The following RGS8 variants were observed in gnomAD, a reference collection of about 807,000 sequenced individuals.
RGS8 encodes regulator of G-protein signaling 8.
RGS8 carries 8 observed loss-of-function variants against 21.7 expected under a neutral mutation model. The ratio of observed to expected loss-of-function variants is 0.37; its 90% CI spans 0.22 to 0.66. The LOEUF is 0.66. Among genes scored for constraint, RGS8 ranks in the 30% least tolerant of loss-of-function variants. The probability of loss-of-function intolerance (pLI) is 0.59; values close to 1 mark genes in which losing one functional copy is unlikely to be tolerated. For missense variants in RGS8, 157 were observed against 217.9 expected (o/e 0.72, Z 1.76); for synonymous variants, 80 against 83.6 (o/e 0.96, Z 0.24).
At chr1:182,675,127 A>T (rs1036928757), upstream of RGS8, among the ~76,000 whole-genome samples, 10 of 150,302 alleles carry the variant, frequency 6.7e-5, no homozygotes, top group African/African-American at 2.5e-4. Flanking sequence ...CTAAACAATC[A>T]CTCTCCCCCA....
At chr1:182,727,001 A>G in the RGS8 span, among the ~76,000 whole-genome samples, 1 of 152,298 alleles carries the variant, frequency 6.6e-6, no homozygotes, top group Admixed American at 6.5e-5. Flanking sequence ...ACAGTGAGAG[A>G]TGAATAACTT....
At chr1:182,731,938 T>G in the RGS8 span, among the ~76,000 whole-genome samples, 97,683 of 152,032 alleles carry the variant, frequency 0.64, 31,845 homozygotes, top group African/African-American at 0.76. Flanking sequence ...ACAGTATGAA[T>G]GATAGATCAC....
upstream of RGS8, among the ~76,000 whole-genome samples, chr1:182,685,007 A>T (rs914832647): frequency 6.6e-6 from 1 of 152,076 alleles, no homozygotes; most frequent in African/African-American, 2.4e-5. Flanking sequence ...CTCCTTTCCT[A>T]ACCAACAAGG....
At chr1:182,667,094 G>C in intron 3 of RGS8, 121 bp from the exon 5 acceptor site, 1 of 755,402 alleles carries the variant, frequency 1.3e-6, no homozygotes, top group Non-Finnish European at 2.3e-6. Flanking sequence ...TTCCCCAGGT[G>C]GTCTCTGAAG....
chr1:182,714,629 A>G, the RGS8 span: 1 of 152,354 alleles, frequency 6.6e-6, no homozygotes, highest in Middle Eastern at 3.4e-3. Context: ...TATGGTAGAT[A>G]TTCAGTTATT....
chr1:182,664,902 A>G (rs1158738663), intron 5 of RGS8, among the ~76,000 whole-genome samples: 1 of 152,244 alleles, frequency 6.6e-6, no homozygotes, highest in Non-Finnish European at 1.5e-5. Context: ...GGAACTGCTC[A>G]TCAAATTGAA....
At chr1:182,708,558 T>C in the RGS8 span, among the ~76,000 whole-genome samples, 1 of 152,226 alleles carries the variant, frequency 6.6e-6, no homozygotes, top group Non-Finnish European at 1.5e-5. Flanking sequence ...ACAGAACGTG[T>C]CTTTAAGCGG....
chr1:182,685,112 A>G (rs1664670036), upstream of RGS8, among the ~76,000 whole-genome samples: 1 of 150,472 alleles, frequency 6.6e-6, no homozygotes, highest in Non-Finnish European at 1.5e-5. Flanking sequence ...AAAAAATTAG[A>G]CATGAAAGAG....
chr1:182,672,292 A>G, upstream of RGS8: 1 of 176,392 alleles, frequency 5.7e-6, no homozygotes, highest in East Asian at 1.6e-4. Flanking sequence ...AGCCACTCCA[A>G]ATCAAATCTC....
At chr1:182,666,019 T>C in exon 5 of RGS8, 1 of 1,613,970 alleles carries the variant, frequency 6.2e-7, no homozygotes, top group Non-Finnish European at 8.5e-7. Flanking sequence ...CGTAGCTTCT[T>C]CTGTCGATAA....
At chr1:182,643,001 A>G (rs1662533599), downstream of RGS8, 1 of 152,232 alleles carries the variant, frequency 6.6e-6, no homozygotes, top group African/African-American at 2.4e-5. Context: ...AAAATGGCCA[A>G]ACACAAGGGC....
chr1:182,713,274 C>A, the RGS8 span, among the ~76,000 whole-genome samples: 1 of 151,326 alleles, frequency 6.6e-6, no homozygotes, highest in Non-Finnish European at 1.5e-5. Flanking sequence ...ACCTCCAGCT[C>A]CCAGGTTCAA....
upstream of RGS8, among the ~76,000 whole-genome samples, chr1:182,689,325 A>C (rs1470793416): frequency 6.6e-6 from 1 of 151,066 alleles, no homozygotes; most frequent in Non-Finnish European, 1.5e-5. Flanking sequence ...TGAATATCTG[A>C]GCTCAATCTT....
At chr1:182,643,333 C>CCCCCCCCG (rs1320966882), downstream of RGS8, 19 of 126,416 alleles carry the variant, frequency 1.5e-4, no homozygotes, top group African/African-American at 4.7e-4. Flanking sequence ...GCCCCCCCGC[C>CCCCCCCCG]CCCGCGCTGT....
chr1:182,736,449 T>C, the RGS8 span, among the ~76,000 whole-genome samples: 1 of 152,194 alleles, frequency 6.6e-6, no homozygotes, highest in Non-Finnish European at 1.5e-5. Flanking sequence ...GGTTTCTGGG[T>C]CCCACACTAG....
chr1:182,712,660 G>A, the RGS8 span, among the ~76,000 whole-genome samples: 1 of 152,178 alleles, frequency 6.6e-6, no homozygotes, highest in Admixed American at 6.5e-5. Flanking sequence ...CTGTTCTTCT[G>A]TTGTAGCCAT....
chr1:182,691,493 T>C, the RGS8 span, among the ~76,000 whole-genome samples: 1 of 150,264 alleles, frequency 6.7e-6, no homozygotes, highest in African/African-American at 2.5e-5. Context: ...TGGTGTAACA[T>C]ATGCAAGTCA....
At chr1:182,644,811 G>T (rs1662630706), downstream of RGS8, 1 of 152,186 alleles carries the variant, frequency 6.6e-6, no homozygotes, top group Non-Finnish European at 1.5e-5. Context: ...AAGAAAGAAT[G>T]ATTTGTTTTT....
At chr1:182,705,882 G>T in the RGS8 span, among the ~76,000 whole-genome samples, 1 of 152,176 alleles carries the variant, frequency 6.6e-6, no homozygotes, top group Non-Finnish European at 1.5e-5. Context: ...GAGCAAGTGG[G>T]TATGGGGCAG....
Sources: allele counts gnomAD v4.1 joint callset (sites outside exome capture counted in the v4.1 genomes callset), GRCh38; gene constraint gnomAD v4.1.1; transcripts MANE v1.5; gene names NCBI Gene and HGNC (gene_info 2026-07-23, HGNC 2026-07-21).